The following WWOX variants were observed in gnomAD, a reference collection of about 807,000 sequenced individuals.
WWOX encodes WW domain-containing oxidoreductase.
In WWOX, 69 loss-of-function variants were observed where a neutral mutation model predicts 46.2. That is an observed-to-expected ratio of 1.49 (90% CI 1.23 to 1.82). The LOEUF (loss-of-function observed/expected upper bound fraction) is 1.82, where lower values mean the gene tolerates loss of function less well. Ranked by LOEUF, WWOX falls within the 40% of genes most tolerant of loss-of-function variation. WWOX has a pLI of 0.00. For synonymous variants in WWOX, 359 were observed against 202.6 expected (o/e 1.77, Z -6.56); for missense variants, 919 against 542.6 (o/e 1.69, Z -6.89).
intron 8 of WWOX, among the ~76,000 whole-genome samples, chr16:78,640,427 A>G (rs1330727071): frequency 6.6e-6 from 1 of 151,870 alleles, no homozygotes; most frequent in Non-Finnish European, 1.5e-5. Context: ...GGCAAGGTAT[A>G]GGCTCACGTC....
chr16:78,767,954 C>T (rs759256474), intron 8 of WWOX, among the ~76,000 whole-genome samples: 1 of 152,066 alleles, frequency 6.6e-6, no homozygotes, highest in South Asian at 2.1e-4. Context: ...CGAGTTTGGA[C>T]TGTGCTAATG....
chr16:78,332,537 A>G (rs2080784588), intron 5 of WWOX, among the ~76,000 whole-genome samples: 1 of 152,146 alleles, frequency 6.6e-6, no homozygotes, highest in South Asian at 2.1e-4. Flanking sequence ...GGCTTATTCC[A>G]TTTGCTCAAG....
In WWOX at chr16:78,236,254, A is replaced by G. The variant is rs181741768; in HGVS notation, c.516+71965A>G. On this transcript the variant is annotated intron_variant, in intron 5 of 8. Transcript: ENST00000566780. ...GTCAATGTGTTCTATGACATCATTT[A>G]TGCAAAGCATACAAAGCTGAGAATA... Among the ~76,000 whole-genome samples the G allele has an allele frequency of 1.3e-4, 20 of 152,362 alleles. No individual in the cohort carries two copies. In the East Asian group the frequency reaches 3.1e-3, roughly 23 times the overall value.
chr16:79,017,925 C>G (rs544443984), intron 8 of WWOX, among the ~76,000 whole-genome samples: 1 of 152,084 alleles, frequency 6.6e-6, no homozygotes, highest in African/African-American at 2.4e-5. Context: ...AGTAGTAAAA[C>G]ACATGTAAAA....
Position 78,707,455 on chromosome 16 carries a change from A to G in WWOX, c.1056+274703A>G, listed in dbSNP as rs892386669. The stretch of plus-strand genomic sequence containing the variant: ...GAGGTTCTGGACATCTTCTTGGGCT[A>G]GTTGGTATAGCTTCCTTCTCAGCTC... On this transcript the variant is annotated intron_variant, in intron 8 of 8. Coordinates refer to ENST00000566780, the MANE Select transcript of WWOX (RefSeq NM_016373.4). 1.3e-5 allele frequency among the ~76,000 whole-genome samples: 2 copies of G among 152,214 alleles called. 1 individual carries two copies. The highest frequency in any genetic ancestry group is 1.3e-4 in the Admixed American group (2 of 15,272).
intron 8 of WWOX, among the ~76,000 whole-genome samples, chr16:78,701,778 A>G (rs2048223194): frequency 6.6e-6 from 1 of 151,762 alleles, no homozygotes; most frequent in African/African-American, 2.4e-5. Context: ...TTGCTCTGAG[A>G]TGCAGTCTGC....
At chr16:78,789,501 G>C (rs2142585623) in intron 8 of WWOX, among the ~76,000 whole-genome samples, 1 of 152,200 alleles carries the variant, frequency 6.6e-6, no homozygotes, top group Non-Finnish European at 1.5e-5. Context: ...ATATCCCATT[G>C]ATCTGTATGC....
intron 5 of WWOX, among the ~76,000 whole-genome samples, chr16:78,216,379 G>T (rs919820779): frequency 1.4e-4 from 21 of 152,158 alleles, no homozygotes; most frequent in Non-Finnish European, 5.9e-5. Flanking sequence ...TCTGCTGGCC[G>T]CTGTAACACA....
At chr16:78,782,295 T>C (rs2050347953) in intron 8 of WWOX, among the ~76,000 whole-genome samples, 1 of 152,184 alleles carries the variant, frequency 6.6e-6, no homozygotes, top group Non-Finnish European at 1.5e-5. Flanking sequence ...TGCACGAGCT[T>C]TTTCAAGAAC....
rs560424884 is a variant in WWOX at position 79,171,669 on chromosome 16, C to G, written c.1057-39939C>G. The stretch of plus-strand genomic sequence containing the variant: ...CTGGTTCTTCACTGTGCATCATGGC[C>G]TTTTAATGCCATTTTGCTTTTTTAT... On this transcript the variant is annotated intron_variant, in intron 8 of 8. Coordinates refer to ENST00000566780, the MANE Select transcript of WWOX (RefSeq NM_016373.4). 2.2e-4 allele frequency among the ~76,000 whole-genome samples: 33 copies of G among 152,246 alleles called. No homozygotes were observed. In the South Asian group the frequency reaches 4.2e-3, roughly 19 times the overall value.
chr16:78,702,595 T>G (rs530878653), intron 8 of WWOX, among the ~76,000 whole-genome samples: 1 of 150,456 alleles, frequency 6.6e-6, no homozygotes, highest in African/African-American at 2.4e-5. Context: ...GTGGAGGTTG[T>G]AGTGAGCTGA....
intron 5 of WWOX, among the ~76,000 whole-genome samples, chr16:78,330,412 T>TTC (rs1555520782): frequency 1.1e-4 from 17 of 151,958 alleles, no homozygotes; most frequent in East Asian, 3.9e-4. Context: ...TTTTTTTTTT[T>TTC]CCCCTGAGAA....
At chr16:78,497,378 A>G (rs1030407772) in intron 8 of WWOX, among the ~76,000 whole-genome samples, 3 of 152,240 alleles carry the variant, frequency 2.0e-5, no homozygotes, top group African/African-American at 4.8e-5. Context: ...GAAGAAAACA[A>G]GGAGGAAAGC....
chr16:78,244,563 G>C (rs1189592571), intron 5 of WWOX, among the ~76,000 whole-genome samples: 1 of 152,128 alleles, frequency 6.6e-6, no homozygotes, highest in African/African-American at 2.4e-5. Context: ...GGCCTGCGTT[G>C]GTAAATTTAC....
chr16:79,169,685 G>A (rs2050662931), intron 8 of WWOX, among the ~76,000 whole-genome samples: 1 of 152,214 alleles, frequency 6.6e-6, no homozygotes, highest in East Asian at 1.9e-4. Context: ...AAGACAAATT[G>A]CAGTTTAGAA....
At chr16:79,019,194 A>T (rs867553857) in intron 8 of WWOX, among the ~76,000 whole-genome samples, 1 of 151,306 alleles carries the variant, frequency 6.6e-6, no homozygotes, top group Non-Finnish European at 1.5e-5. Context: ...AAGAAAAAAA[A>T]AAGTTGGAAT....
chr16:79,198,269 C>T (rs936515699), intron 8 of WWOX, among the ~76,000 whole-genome samples: 20 of 152,046 alleles, frequency 1.3e-4, no homozygotes, highest in Middle Eastern at 6.8e-3. Flanking sequence ...ACCTGGGAGG[C>T]GGAGGTTGAT....
intron 8 of WWOX, among the ~76,000 whole-genome samples, chr16:78,936,700 C>G (rs1459685421): frequency 6.6e-6 from 1 of 151,788 alleles, no homozygotes; most frequent in African/African-American, 2.4e-5. Flanking sequence ...GGAGAGATTT[C>G]TGACAACAGC....
intron 8 of WWOX, among the ~76,000 whole-genome samples, chr16:78,706,824 T>G (rs1160873433): frequency 6.6e-6 from 1 of 152,090 alleles, no homozygotes; most frequent in Non-Finnish European, 1.5e-5. Context: ...TGGAGACAGA[T>G]CTCACTTTAT....
Sources: gnomAD v4.1 joint callset for allele counts (sites outside exome capture counted in the v4.1 genomes callset) on GRCh38, gnomAD v4.1.1 for gene constraint, MANE v1.5 for transcripts, NCBI Gene and HGNC (gene_info 2026-07-23, HGNC 2026-07-21) for gene names.